UBR4: variants seen among roughly 807,000 people sequenced by gnomAD.
The protein encoded by UBR4 is E3 ubiquitin-protein ligase UBR4.
In UBR4, 124 loss-of-function variants were observed where a neutral mutation model predicts 575.6. The observed-to-expected ratio is 0.22, with a 90% CI of 0.19 to 0.25. UBR4 has a LOEUF of 0.25. UBR4 is among the 10% of genes least tolerant of loss of function. The pLI is 1.00. For missense variants in UBR4, 4,818 were observed against 6,478.8 expected, an observed-to-expected ratio of 0.74 and a Z score of 8.80; for synonymous variants, 2,455 against 2,473.7, an observed-to-expected ratio of 0.99 and a Z score of 0.22.
chr1:19,076,469 C>G (rs1253938523), intron 105 of UBR4, among the ~76,000 whole-genome samples: 1 of 152,250 alleles, frequency 6.6e-6, no homozygotes, highest in Non-Finnish European at 1.5e-5. Context: ...AAGCTCCTGC[C>G]TCATATAGGG....
chr1:19,106,949 G>A lies in UBR4; in HGVS notation c.12123C>T (p.Ala4041=). The change falls in exon 82 of 106, where the codon GCC becomes GCT. Residue 4041 remains alanine (A), a synonymous_variant. Coordinates refer to ENST00000375254, the MANE Select transcript of UBR4 (RefSeq NM_020765.3). ...SKKNKDVPVE[A]LTTVKPYCNE... ...TGCAGTATGGCTTCACCGTGGTGAG[G>A]GCCTCAACGGGGACATCCTGGAGGA... 6.2e-7 allele frequency: 1 copy of A among 1,612,274 alleles called. No homozygotes were observed. Among genetic ancestry groups the A allele is most frequent in the South Asian group, 1.1e-5 (1 of 90,980 alleles).
chr1:19,141,465 C>G lies in UBR4; in HGVS notation c.8370G>C (p.Leu2790=). The G allele has an allele frequency of 2.5e-6, 4 of 1,614,026 alleles. No individual in the cohort carries two copies. The highest frequency in any genetic ancestry group is 2.5e-6 in the Non-Finnish European group (3 of 1,179,910). ...CCTCTGCGCCTGCCAGCAGGGCCTC[C>G]AGGGGAGAGGGGTTGCCATTGTTGA... is the stretch of plus-strand genomic sequence containing the variant. ...ENVNNGNPSP[L]EALLAGAEGF... The change falls in exon 57 of 106, where the codon CTG becomes CTC. Residue 2790 remains leucine (L), a synonymous_variant. Transcript: ENST00000375254.
At chr1:19,159,085 G>A (rs979612498) in intron 39 of UBR4, among the ~76,000 whole-genome samples, 3 of 152,182 alleles carry the variant, frequency 2.0e-5, no homozygotes, top group African/African-American at 7.2e-5. Context: ...GGCGGAAGTC[G>A]CAGTAAGCTG....
At chr1:19,086,113 C>G in intron 101 of UBR4, 32 bp downstream of exon 101, 1 of 1,611,148 alleles carries the variant, frequency 6.2e-7, no homozygotes, top group Middle Eastern at 1.7e-4. Context: ...CAAATCCCCT[C>G]CATTCCACCA....
At chr1:19,182,163 A>C (rs2091033898) in intron 17 of UBR4, among the ~76,000 whole-genome samples, 1 of 152,180 alleles carries the variant, frequency 6.6e-6, no homozygotes, top group Admixed American at 6.5e-5. Flanking sequence ...TATAACATTC[A>C]TTGTATGGCT....
chr1:19,129,866 A>T (rs552793067), intron 60 of UBR4, among the ~76,000 whole-genome samples: 7 of 152,136 alleles, frequency 4.6e-5, no homozygotes, highest in Non-Finnish European at 8.8e-5. Flanking sequence ...AAATCAATGG[A>T]TTCACTTTCA....
In UBR4 at chr1:19,150,681, A is replaced by G; in HGVS notation, c.7326T>C (p.Ser2442=). ...AAGGGCAGATGTTGCTGACAGAGGCAGAAGGGAATTCTTCTGGGGGCTCAT... is the reference window on the plus strand; with the variant it reads ...AAGGGCAGATGTTGCTGACAGAGGCGGAAGGGAATTCTTCTGGGGGCTCAT... ...WPDEPPEEFP[S]ASVSNICPSN... The change falls in exon 49 of 106, where the codon TCT becomes TCC. Residue 2442 remains serine (S), a synonymous_variant. Transcript: ENST00000375254. 1 of 1,614,152 alleles carries G rather than the reference A, an allele frequency of 6.2e-7. No homozygotes were observed. Among genetic ancestry groups the G allele is most frequent in the Non-Finnish European group, 8.5e-7 (1 of 1,180,008 alleles).
In UBR4 at chr1:19,100,540, G is replaced by A. The variant is rs2078519450; in HGVS notation, c.13057C>T (p.Leu4353=). The change falls in exon 89 of 106, where the codon CTG becomes TTG. Residue 4353 remains leucine, a synonymous_variant. Transcript: ENST00000375254. The surrounding 1 kb of genome is among the most constrained non-coding windows in gnomAD (Gnocchi z 4.2). ...ENEVTEFFVT[L]EKDPQQEDFL... Reference sequence around the variant, plus strand: ...TCTTCTTGTTGGGGATCCTTCTCCAGGGTCACAAAGAACTCAGTGACTTCA... The same window carrying A: ...TCTTCTTGTTGGGGATCCTTCTCCAAGGTCACAAAGAACTCAGTGACTTCA... The A allele has an allele frequency of 6.2e-7, 1 of 1,613,910 alleles. No homozygotes were observed. Among genetic ancestry groups the A allele is most frequent in the Non-Finnish European group, 8.5e-7 (1 of 1,180,026 alleles).
In UBR4 at chr1:19,138,077, G is replaced by GC. The variant is rs1358185201; in HGVS notation, c.8835dup (p.His2946AlafsTer16). 6.3e-7 allele frequency: 1 copy of GC among 1,598,890 alleles called. No homozygotes were observed. The highest frequency in any genetic ancestry group is 8.5e-7 in the Non-Finnish European group (1 of 1,171,032). On this transcript the variant is annotated frameshift_variant, in exon 60 of 106. Transcript: ENST00000375254. LOFTEE classifies it high-confidence loss of function. ...CCCTCGGAGCCATCTCCCTCCTGGT[G>GC]CCCAGTGGTGGTGCTGATGGCTCCA...
Position 19,117,559 on chromosome 1 carries a change from A to C in UBR4, c.10630-145T>G. The C allele has an allele frequency of 5.9e-6, 6 of 1,023,244 alleles. No homozygotes were observed. The highest frequency in any genetic ancestry group is 3.4e-5 in the South Asian group (2 of 58,414). 63.4% of individuals were successfully genotyped at this position (1,023,244 alleles called of 1,614,324 possible). ...AAATATTTTGTAGAGATGGGGTCTC[A>C]CCATCTTGCCCAGGCTGGTCTAAAA... On this transcript the variant is annotated intron_variant, in intron 72 of 105. Transcript: ENST00000375254. The surrounding 1 kb of genome is among the most constrained non-coding windows in gnomAD (Gnocchi z 4.0).
In UBR4 at chr1:19,199,632, A is replaced by C; in HGVS notation, c.378+19T>G. On this transcript the variant is annotated intron_variant, in intron 3 of 105. Coordinates refer to ENST00000375254, the MANE Select transcript of UBR4 (RefSeq NM_020765.3). ...ACACTGCTTCAGAATAGGGCAAGAA[A>C]TGGGCCCATCACTCTCACCTGGGAC... 2.5e-6 allele frequency: 4 copies of C among 1,601,422 alleles called. No homozygotes were observed. The highest frequency in any genetic ancestry group is 2.6e-6 in the Non-Finnish European group (3 of 1,168,954).
At position 19,080,997 on chromosome 1, in the gene UBR4, T is replaced by C. The variant is rs150831049; in HGVS notation, c.15233+352A>G. 1.5e-3 allele frequency: 309 copies of C among 201,676 alleles called. 1 individual carries two copies. The highest frequency in any genetic ancestry group is 6.7e-3 in the African/African-American group (291 of 43,272). The allele number at this position is 201,676 out of a possible 1,614,324, so 12.5% of individuals were successfully genotyped here. Reference sequence around the variant, plus strand: ...ACCCCATGTGGCCACACTGAAACTTTCCTGGCTTATGCCAACACCAGCAAG... The same window carrying C: ...ACCCCATGTGGCCACACTGAAACTTCCCTGGCTTATGCCAACACCAGCAAG... On this transcript the variant is annotated intron_variant, in intron 103 of 105. Transcript: ENST00000375254.
At position 19,153,217 on chromosome 1, in the gene UBR4, A is replaced by G; in HGVS notation, c.6832+84T>C. On this transcript the variant is annotated intron_variant, in intron 46 of 105. Transcript: ENST00000375254. This position sits in a 1 kb window ranked among gnomAD's most constrained non-coding sequence, Gnocchi z 4.1. ...GTAGGACAGTCACATTTCTTCACAG[A>G]TATTTTCAACAGTCTATTCTGAGTC... is the stretch of plus-strand genomic sequence containing the variant. 7.0e-7 allele frequency: 1 copy of G among 1,418,992 alleles called. No individual in the cohort carries two copies. The highest frequency in any genetic ancestry group is 9.8e-7 in the Non-Finnish European group (1 of 1,017,022). 87.9% of individuals were successfully genotyped at this position (1,418,992 alleles called of 1,614,324 possible).
chr1:19,120,151 A>G, intron 69 of UBR4, 29 bp downstream of exon 69: 1 of 1,610,704 alleles, frequency 6.2e-7, no homozygotes, highest in Non-Finnish European at 8.5e-7. Flanking sequence ...ACACCCTTGC[A>G]GATCTGTCAA....
Position 19,099,308 on chromosome 1 carries a change from G to A in UBR4, c.13302+289C>T, listed in dbSNP as rs545034605. Reference sequence around the variant, plus strand: ...GCATTCCCAGCACAGAGCCTCCTTCGACACCCCCTGGCTTTCAGTTCTTGG... The same window carrying A: ...GCATTCCCAGCACAGAGCCTCCTTCAACACCCCCTGGCTTTCAGTTCTTGG... On this transcript the variant is annotated intron_variant, in intron 90 of 105. Transcript: ENST00000375254. Among the ~76,000 whole-genome samples the A allele has an allele frequency of 1.2e-4, 19 of 152,288 alleles. No individual in the cohort carries two copies. The South Asian group carries it at 2.1e-3, about 17-fold the overall frequency.
intron 25 of UBR4, among the ~76,000 whole-genome samples, chr1:19,171,325 C>T (rs2089503033): frequency 6.6e-6 from 1 of 152,212 alleles, no homozygotes; most frequent in African/African-American, 2.4e-5. Flanking sequence ...TCTGTAAATT[C>T]CCAGAGGGCA....
At chr1:19,190,832 C>T (rs1294034638) in intron 11 of UBR4, among the ~76,000 whole-genome samples, 1 of 152,128 alleles carries the variant, frequency 6.6e-6, no homozygotes, top group African/African-American at 2.4e-5. Flanking sequence ...AACTGTTCTC[C>T]CTCCTTCTTA....
intron 97 of UBR4, among the ~76,000 whole-genome samples, chr1:19,090,500 T>A (rs903755948): frequency 6.6e-6 from 1 of 152,120 alleles, no homozygotes; most frequent in Non-Finnish European, 1.5e-5. Flanking sequence ...GGCTTTAAGC[T>A]CTCTTTGGCC....
rs2080195843 is a variant in UBR4, at chr1:19,113,955, T to G, written c.11318A>C (p.Glu3773Ala). The G allele has an allele frequency of 6.2e-7, 1 of 1,614,128 alleles. No homozygotes were observed. The highest frequency in any genetic ancestry group is 8.5e-7 in the Non-Finnish European group (1 of 1,180,052). The stretch of plus-strand genomic sequence containing the variant: ...GCAGCGTGGGACTACCTGTGGCTTT[T>G]CTGGAGCTGCCTCATTCACTTTGCA... The part of the protein sequence containing the change: ...LLCKVNEAAP[E>A]KPQDDSGTAG... Residue 3773 changes from glutamate to alanine, a missense_variant, in exon 76 of 106, where the codon GAA becomes GCA. Physicochemically the swap from Glu to Ala is moderately radical, Grantham distance 107. Coordinates refer to ENST00000375254, the MANE Select transcript of UBR4 (RefSeq NM_020765.3).
Sources: gnomAD v4.1 joint callset for allele counts (sites outside exome capture counted in the v4.1 genomes callset) on GRCh38, gnomAD v4.1.1 for gene constraint, Gnocchi (gnomAD v3.1) non-coding constraint, MANE v1.5 for transcripts, NCBI Gene and HGNC (gene_info 2026-07-23, HGNC 2026-07-21) for gene names.